PLAC1: variants seen among roughly 807,000 people sequenced by gnomAD.
The protein encoded by PLAC1 is placenta-specific protein 1.
For missense variants in PLAC1, 136 were observed against 163.2 expected, an observed-to-expected ratio of 0.83 and a Z score of 0.91; for synonymous variants, 68 against 62.1, an observed-to-expected ratio of 1.09 and a Z score of -0.44.
intron 2 of PLAC1, among the ~76,000 whole-genome samples, chrX:134,691,115 CTTTTTT>C (rs35070504): frequency 1.2e-5 from 1 of 83,165 alleles, no homozygotes; most frequent in Non-Finnish European, 2.2e-5. Context: ...TTTCTTTTTT[CTTTTTT>C]TTTTTTTCAC....
intron 1 of PLAC1, chrX:134,607,436 G>A: frequency 7.5e-6 from 1 of 132,795 alleles, no homozygotes; most frequent in Non-Finnish European, 1.5e-5. Flanking sequence ...AGCATATTAA[G>A]CACTTTATTA....
chrX:134,740,185 T>A (rs1353146952), intron 1 of PLAC1, among the ~76,000 whole-genome samples: 2 of 109,534 alleles, frequency 1.8e-5, no homozygotes, highest in African/African-American at 6.7e-5. Flanking sequence ...GGCGTGGTGG[T>A]GCATGTCTGT....
chrX:134,627,631 G>A (rs1031210232), intron 1 of PLAC1, among the ~76,000 whole-genome samples: 15 of 112,347 alleles, frequency 1.3e-4, no homozygotes, highest in African/African-American at 4.8e-4. Flanking sequence ...AGCAGATCCT[G>A]GCACAGTAAG....
rs1035680251 is a variant in PLAC1 at position 134,658,438 on chromosome X, T to C, written c.-241A>G. On this transcript the variant is annotated 5_prime_UTR_variant, in exon 1 of 3. It removes an upstream start codon present in the reference 5' UTR. Transcript: ENST00000359237. Reference sequence around the variant, plus strand: ...TGAAGAGGGGTGGCCTTTACCTTCATAGGAGAGTCACTCTTTATACAAATC... The same window carrying C: ...TGAAGAGGGGTGGCCTTTACCTTCACAGGAGAGTCACTCTTTATACAAATC... 2.7e-5 allele frequency: 3 copies of C among 112,568 alleles called. No homozygotes were observed. The highest frequency in any genetic ancestry group is 5.6e-5 in the Non-Finnish European group (3 of 53,285). 9.3% of individuals were successfully genotyped at this position (112,568 alleles called of 1,213,427 possible).
intron 1 of PLAC1, among the ~76,000 whole-genome samples, chrX:134,744,045 A>C (rs1395044287): frequency 8.9e-6 from 1 of 111,953 alleles, no homozygotes; most frequent in African/African-American, 3.2e-5. Context: ...GCACTTTGGG[A>C]GGCCGAGGCG....
chrX:134,578,515 C>CTTT (rs766626696), intron 2 of PLAC1, among the ~76,000 whole-genome samples: 31 of 55,951 alleles, frequency 5.5e-4, no homozygotes, highest in African/African-American at 1.1e-3. Context: ...TTCTTTCTTT[C>CTTT]TTTTTTTTTT....
chrX:134,696,112 T>G (rs2078562023), intron 2 of PLAC1, among the ~76,000 whole-genome samples: 1 of 112,221 alleles, frequency 8.9e-6, no homozygotes, highest in Non-Finnish European at 1.9e-5. Context: ...AAATTCAGAT[T>G]TAACTGGCTT....
intron 1 of PLAC1, among the ~76,000 whole-genome samples, chrX:134,616,831 AGTGGTGCGATCTCGACT>A (rs1325222996): frequency 4.7e-5 from 5 of 107,435 alleles, no homozygotes; most frequent in African/African-American, 1.7e-4. Flanking sequence ...GCTGGAGTGC[AGTGGTGCGATCTCGACT>A]CACTGCAGCC....
chrX:134,760,993 C>T (rs139104372), intron 1 of PLAC1, among the ~76,000 whole-genome samples: 76 of 111,231 alleles, frequency 6.8e-4, no homozygotes, highest in Non-Finnish European at 1.3e-3. Context: ...CAATCCCCAA[C>T]TGACCCATCA....
intron 1 of PLAC1, among the ~76,000 whole-genome samples, chrX:134,632,848 G>A (rs2078268501): frequency 9.0e-6 from 1 of 111,324 alleles, no homozygotes; most frequent in Non-Finnish European, 1.9e-5. Context: ...GGAGGCTGAA[G>A]AGAAGGCTCC....
At chrX:134,733,195 C>T (rs1234274752) in intron 2 of PLAC1, among the ~76,000 whole-genome samples, 1 of 110,218 alleles carries the variant, frequency 9.1e-6, no homozygotes, top group Non-Finnish European at 1.9e-5. Flanking sequence ...AGGAGGCAGC[C>T]CCAAGTGATA....
At chrX:134,613,416 G>T (rs932244261) in intron 1 of PLAC1, among the ~76,000 whole-genome samples, 1 of 110,534 alleles carries the variant, frequency 9.0e-6, no homozygotes. Flanking sequence ...GAGGTACTTT[G>T]TCATCCCACA....
At chrX:134,577,511 A>T (rs2077945754) in intron 2 of PLAC1, among the ~76,000 whole-genome samples, 1 of 111,597 alleles carries the variant, frequency 9.0e-6, no homozygotes, top group African/African-American at 3.3e-5. Flanking sequence ...CAACATGGTG[A>T]AGCCCCGTCT....
At chrX:134,719,555 C>T (rs1429592248) in intron 2 of PLAC1, among the ~76,000 whole-genome samples, 3 of 111,381 alleles carry the variant, frequency 2.7e-5, no homozygotes, top group Admixed American at 9.6e-5. Context: ...TTTGGGAGGC[C>T]GAGGCGGGTG....
upstream of PLAC1, among the ~76,000 whole-genome samples, chrX:134,661,128 C>T (rs771280015): frequency 8.1e-5 from 9 of 111,214 alleles, no homozygotes; most frequent in East Asian, 2.0e-3. Flanking sequence ...GAAGGGTGTT[C>T]TACTTCTTTT....
rs764019709 is a variant in PLAC1, at chrX:134,686,375, G to C, written n.174+47060C>G. Among the ~76,000 whole-genome samples the C allele has an allele frequency of 3.6e-4, 40 of 111,846 alleles. No homozygotes were observed. In the South Asian group the frequency reaches 0.014, roughly 38 times the overall value. On this transcript the variant is annotated intron_variant and non_coding_transcript_variant, in intron 2 of 2. Transcript: ENST00000466797. ...AGGGTATACTAAAGAGGGCAGAATT[G>C]CTGGTTTGACTCTTCTGTGGGATAG...
At chrX:134,734,249 AAACTTCC>A (rs1306741632) in intron 1 of PLAC1, among the ~76,000 whole-genome samples, 3 of 113,001 alleles carry the variant, frequency 2.7e-5, no homozygotes, top group Non-Finnish European at 5.6e-5. Flanking sequence ...CATCCAGGGC[AAACTTCC>A]ACACTTAGCC....
intron 1 of PLAC1, among the ~76,000 whole-genome samples, chrX:134,628,457 A>C (rs2078246092): frequency 8.9e-6 from 1 of 111,912 alleles, no homozygotes; most frequent in Admixed American, 9.5e-5. Context: ...TTTTGCTTTA[A>C]TCTTTCCTGC....
chrX:134,760,105 T>A (rs1009487776), intron 1 of PLAC1: 50 of 112,210 alleles, frequency 4.5e-4, no homozygotes, highest in African/African-American at 1.3e-3. Flanking sequence ...ATTATATACA[T>A]GTAACAAAAT....
Sources: allele counts gnomAD v4.1 joint callset (sites outside exome capture counted in the v4.1 genomes callset), GRCh38; gene constraint gnomAD v4.1.1; transcripts MANE v1.5; gene names NCBI Gene and HGNC (gene_info 2026-07-23, HGNC 2026-07-21).